FMN2: variants seen among roughly 807,000 people sequenced by gnomAD.
FMN2 encodes formin-2.
In FMN2, 51 loss-of-function variants were observed where a neutral mutation model predicts 142.3. The observed-to-expected ratio is 0.36, with a 90% CI of 0.29 to 0.45. The LOEUF is 0.45. Among genes scored for constraint, FMN2 ranks in the 20% least tolerant of loss-of-function variants. FMN2 has a pLI of 1.00. For synonymous variants in FMN2, 882 were observed against 869.8 expected (o/e 1.01, Z -0.25); for missense variants, 1,936 against 2,122.8 (o/e 0.91, Z 1.73).
intron 2 of FMN2, among the ~76,000 whole-genome samples, chr1:240,151,076 C>T (rs1180598605): frequency 6.6e-6 from 1 of 152,060 alleles, no homozygotes; most frequent in Non-Finnish European, 1.5e-5. Context: ...TTTCTAAGTC[C>T]CAATTGTTAT....
chr1:240,412,814 A>G (rs1194079012), intron 15 of FMN2, among the ~76,000 whole-genome samples: 1 of 151,990 alleles, frequency 6.6e-6, no homozygotes, highest in Non-Finnish European at 1.5e-5. Flanking sequence ...GTCTGGTGAA[A>G]GCCATGCTTT....
chr1:240,269,283 C>G (rs1668913761), intron 7 of FMN2, among the ~76,000 whole-genome samples: 1 of 152,004 alleles, frequency 6.6e-6, no homozygotes, highest in Non-Finnish European at 1.5e-5. Context: ...TTTAATAACA[C>G]CTTTTATTAA....
intron 13 of FMN2, among the ~76,000 whole-genome samples, chr1:240,342,487 T>C (rs986370314): frequency 1.3e-5 from 2 of 152,208 alleles, no homozygotes; most frequent in African/African-American, 4.8e-5. Flanking sequence ...AAGTATATCA[T>C]GTTGAGCATT....
intron 6 of FMN2, among the ~76,000 whole-genome samples, chr1:240,228,328 A>AAAG (rs1667406036): frequency 1.5e-5 from 1 of 66,366 alleles, no homozygotes; most frequent in African/African-American, 9.0e-5. Flanking sequence ...AAAAAAAAAA[A>AAAG]AAAAGAAAAA....
Position 240,147,600 on chromosome 1 carries a change from C to A in FMN2, c.1782+24255C>A, listed in dbSNP as rs549194905. Among the ~76,000 whole-genome samples the A allele has an allele frequency of 3.3e-5, 5 of 152,286 alleles. No homozygotes were observed. The South Asian group carries it at 1.0e-3, about 32-fold the overall frequency. On this transcript the variant is annotated intron_variant, in intron 2 of 17. Transcript: ENST00000319653. Reference sequence around the variant, plus strand: ...CTGGAATCCCTGCACTCAAGTGATCCTCCCACCTGGGCCCCCCAAAGTGCT... The same window carrying A: ...CTGGAATCCCTGCACTCAAGTGATCATCCCACCTGGGCCCCCCAAAGTGCT...
At chr1:240,170,487 C>A (rs1307182411) in intron 2 of FMN2, 1 of 1,480,492 alleles carries the variant, frequency 6.8e-7, no homozygotes, top group Non-Finnish European at 9.4e-7. Flanking sequence ...TGTCTAAATC[C>A]TAAAACTAAC....
At position 240,178,475 on chromosome 1, in the gene FMN2, T is replaced by C. The variant is rs370367248; in HGVS notation, c.1930+407T>C. On this transcript the variant is annotated intron_variant, in intron 3 of 17. Coordinates refer to ENST00000319653, the MANE Select transcript of FMN2 (RefSeq NM_020066.5). ...TTTTTTTTTTTTTCTGGACAAGGTC[T>C]TTCTCTGTCACCCAGGCTAGAGTGC... Among the ~76,000 whole-genome samples the C allele has an allele frequency of 1.2e-3, 176 of 151,276 alleles. 4 individuals carry two copies. In the South Asian group the frequency reaches 0.027, roughly 23 times the overall value.
At chr1:240,415,841 T>A (rs1015250004) in intron 15 of FMN2, among the ~76,000 whole-genome samples, 2 of 152,216 alleles carry the variant, frequency 1.3e-5, no homozygotes, top group African/African-American at 4.8e-5. Context: ...TACATCCCTG[T>A]CCTGGAAACA....
intron 15 of FMN2, among the ~76,000 whole-genome samples, chr1:240,414,720 A>G (rs1022739966): frequency 2.0e-5 from 3 of 152,216 alleles, no homozygotes; most frequent in Non-Finnish European, 4.4e-5. Flanking sequence ...TTACAAGTAT[A>G]TGTGTTTTGT....
intron 7 of FMN2, among the ~76,000 whole-genome samples, chr1:240,271,296 T>C (rs1669005225): frequency 6.6e-6 from 1 of 151,698 alleles, no homozygotes; most frequent in Non-Finnish European, 1.5e-5. Context: ...GCTTTTTCGC[T>C]TCCCTATTAA....
At chr1:240,452,058 GCACT>G (rs1470099134) in intron 16 of FMN2, among the ~76,000 whole-genome samples, 4 of 151,938 alleles carry the variant, frequency 2.6e-5, no homozygotes, top group Non-Finnish European at 5.9e-5. Context: ...AGGTGTGGTG[GCACT>G]CACCTGTAGT....
intron 4 of FMN2, among the ~76,000 whole-genome samples, chr1:240,194,242 C>A (rs1665828192): frequency 6.6e-6 from 1 of 152,132 alleles, no homozygotes; most frequent in African/African-American, 2.4e-5. Flanking sequence ...AGTGGTAGAA[C>A]ATTTGCTTAT....
intron 2 of FMN2, among the ~76,000 whole-genome samples, chr1:240,149,627 A>G (rs1663677478): frequency 6.6e-6 from 1 of 152,172 alleles, no homozygotes. Flanking sequence ...CATTTTGGAA[A>G]TTTCTTCTCA....
At chr1:240,390,416 CACGCA>C (rs1380038593) in intron 14 of FMN2, among the ~76,000 whole-genome samples, 1 of 152,168 alleles carries the variant, frequency 6.6e-6, no homozygotes. Flanking sequence ...CAAACTTGCT[CACGCA>C]ACTAAGCAAC....
At chr1:240,385,149 C>T (rs1223145798) in intron 14 of FMN2, among the ~76,000 whole-genome samples, 3 of 152,148 alleles carry the variant, frequency 2.0e-5, no homozygotes, top group African/African-American at 7.2e-5. Context: ...AAAAGAAACA[C>T]ATCAGAAGTT....
intron 2 of FMN2, among the ~76,000 whole-genome samples, chr1:240,157,495 C>A (rs2103284543): frequency 6.6e-6 from 1 of 152,240 alleles, no homozygotes; most frequent in Middle Eastern, 3.4e-3. Flanking sequence ...AAGTTGCCTC[C>A]ATGTCTGGGT....
chr1:240,422,745 T>G (rs375369888), intron 15 of FMN2, among the ~76,000 whole-genome samples: 3 of 152,324 alleles, frequency 2.0e-5, no homozygotes, highest in Admixed American at 1.3e-4. Flanking sequence ...CTTTTTTGTC[T>G]TATTGCAATA....
At chr1:240,252,207 C>A (rs1668299801) in intron 6 of FMN2, among the ~76,000 whole-genome samples, 1 of 152,164 alleles carries the variant, frequency 6.6e-6, no homozygotes, top group Non-Finnish European at 1.5e-5. Context: ...CTATTTCCGG[C>A]CTCCTTAACT....
chr1:240,174,683 T>G (rs1334294461), intron 2 of FMN2, among the ~76,000 whole-genome samples: 1 of 152,152 alleles, frequency 6.6e-6, no homozygotes, highest in Admixed American at 6.5e-5. Context: ...GTTGTTTTCT[T>G]AAGCCATCAC....
Sources: gnomAD v4.1 joint callset for allele counts (sites outside exome capture counted in the v4.1 genomes callset) on GRCh38, gnomAD v4.1.1 for gene constraint, MANE v1.5 for transcripts, NCBI Gene and HGNC (gene_info 2026-07-23, HGNC 2026-07-21) for gene names.